The following TBC1D19 variants were observed in gnomAD, a reference collection of about 807,000 sequenced individuals.
TBC1D19 encodes the protein TBC1 domain family member 19, also known as TBC1 domain family, member 19.
A neutral mutation model predicts 89.0 loss-of-function variants in TBC1D19; 60 were observed. The observed-to-expected ratio is 0.67, with a 90% CI of 0.55 to 0.84. The LOEUF is 0.84. TBC1D19 is among the 40% of genes least tolerant of loss of function. The pLI is 0.00. For synonymous variants in TBC1D19, 189 were observed against 199.7 expected (o/e 0.95, Z 0.45); for missense variants, 500 against 610.8 (o/e 0.82, Z 1.91).
At chr4:26,783,757 G>C in the TBC1D19 span, among the ~76,000 whole-genome samples, 57 of 152,278 alleles carry the variant, frequency 3.7e-4, no homozygotes, top group Admixed American at 1.1e-3. Flanking sequence ...GGATGAATCA[G>C]TTGAGAAGAA....
At chr4:26,798,832 A>G in the TBC1D19 span, among the ~76,000 whole-genome samples, 3 of 152,152 alleles carry the variant, frequency 2.0e-5, no homozygotes, top group Non-Finnish European at 4.4e-5. Context: ...CAATGGATTC[A>G]TATAAACACA....
At chr4:26,642,707 T>G (rs532994636) in intron 7 of TBC1D19, among the ~76,000 whole-genome samples, 1 of 152,020 alleles carries the variant, frequency 6.6e-6, no homozygotes, top group African/African-American at 2.4e-5. Context: ...GAGACAAACA[T>G]AGGCTCAAAA....
At chr4:26,687,431 C>T (rs1713905780) in intron 12 of TBC1D19, among the ~76,000 whole-genome samples, 1 of 152,120 alleles carries the variant, frequency 6.6e-6, no homozygotes, top group South Asian at 2.1e-4. Flanking sequence ...ATGTTCTTTA[C>T]ACTGAAGCAC....
chr4:26,698,102 T>C (rs1184950704), intron 13 of TBC1D19, among the ~76,000 whole-genome samples: 1 of 152,178 alleles, frequency 6.6e-6, no homozygotes, highest in Non-Finnish European at 1.5e-5. Flanking sequence ...TGATTGTATA[T>C]TTAGAAAACC....
chr4:26,600,306 C>T (rs982932401), intron 1 of TBC1D19, among the ~76,000 whole-genome samples: 4 of 152,160 alleles, frequency 2.6e-5, no homozygotes, highest in Non-Finnish European at 5.9e-5. Flanking sequence ...ATTTTGGCTG[C>T]TGTTTGTCCT....
chr4:26,610,007 T>C (rs1020889286), intron 1 of TBC1D19, among the ~76,000 whole-genome samples: 1 of 152,028 alleles, frequency 6.6e-6, no homozygotes, highest in African/African-American at 2.4e-5. Flanking sequence ...AAATGCTAAG[T>C]AAGAAGAAAA....
chr4:26,587,100 T>C (rs915356179), intron 1 of TBC1D19, among the ~76,000 whole-genome samples: 1 of 152,206 alleles, frequency 6.6e-6, no homozygotes, highest in Non-Finnish European at 1.5e-5. Context: ...TCTGTAGATA[T>C]GTTCATATTA....
At chr4:26,696,585 C>G (rs1714804084) in intron 13 of TBC1D19, among the ~76,000 whole-genome samples, 1 of 152,182 alleles carries the variant, frequency 6.6e-6, no homozygotes, top group African/African-American at 2.4e-5. Flanking sequence ...ACACTTATTC[C>G]AAAATTGACC....
At chr4:26,676,330 C>T (rs946106797) in intron 11 of TBC1D19, among the ~76,000 whole-genome samples, 3 of 152,174 alleles carry the variant, frequency 2.0e-5, no homozygotes, top group African/African-American at 7.2e-5. Flanking sequence ...AAACAGAAGT[C>T]ATCATTAGAA....
intron 13 of TBC1D19, among the ~76,000 whole-genome samples, chr4:26,703,994 G>A (rs192347595): frequency 6.6e-6 from 1 of 151,470 alleles, no homozygotes; most frequent in East Asian, 1.9e-4. Context: ...GAAAATCTGG[G>A]CCTATGTTAC....
At chr4:26,660,315 T>G (rs1745143302) in intron 8 of TBC1D19, among the ~76,000 whole-genome samples, 1 of 152,164 alleles carries the variant, frequency 6.6e-6, no homozygotes, top group Admixed American at 6.6e-5. Context: ...AGGAAGCCAC[T>G]TATAACTCTG....
the TBC1D19 span, among the ~76,000 whole-genome samples, chr4:26,837,442 C>T: frequency 1.6e-4 from 24 of 152,116 alleles, no homozygotes; most frequent in Admixed American, 1.4e-3. Context: ...CAATTTTCCC[C>T]CTGTTTAACT....
chr4:26,731,615 G>A (rs752849419), intron 15 of TBC1D19, among the ~76,000 whole-genome samples: 7 of 152,128 alleles, frequency 4.6e-5, no homozygotes, highest in Admixed American at 2.6e-4. Flanking sequence ...CTGGTAGAGC[G>A]AAAGAGAAAA....
intron 7 of TBC1D19, among the ~76,000 whole-genome samples, chr4:26,640,911 G>A (rs1465664691): frequency 6.6e-6 from 1 of 152,236 alleles, no homozygotes; most frequent in Non-Finnish European, 1.5e-5. Flanking sequence ...CGAACTGGGT[G>A]GAGCCCACCA....
chr4:26,782,759 A>T, the TBC1D19 span, among the ~76,000 whole-genome samples: 2 of 152,122 alleles, frequency 1.3e-5, no homozygotes, highest in Non-Finnish European at 2.9e-5. Flanking sequence ...TAAAACAAAC[A>T]AAAGAGTGTG....
chr4:26,795,440 A>G, the TBC1D19 span, among the ~76,000 whole-genome samples: 3 of 152,134 alleles, frequency 2.0e-5, no homozygotes, highest in South Asian at 4.1e-4. Context: ...CTTACTGTCT[A>G]TCTGCCTTCA....
the TBC1D19 span, among the ~76,000 whole-genome samples, chr4:26,851,401 ACT>A: frequency 6.6e-6 from 1 of 151,550 alleles, no homozygotes; most frequent in East Asian, 1.9e-4. Context: ...TCTGTGGAGA[ACT>A]CTAATACACA....
chr4:26,652,536 C>T (rs561139978), intron 7 of TBC1D19, among the ~76,000 whole-genome samples: 9 of 152,240 alleles, frequency 5.9e-5, no homozygotes, highest in East Asian at 3.9e-4. Flanking sequence ...CCACCGCACC[C>T]GGCCAGAGCC....
At chr4:26,713,190 A>G (rs1408556295) in intron 13 of TBC1D19, among the ~76,000 whole-genome samples, 1 of 152,088 alleles carries the variant, frequency 6.6e-6, no homozygotes, top group Non-Finnish European at 1.5e-5. Context: ...ATTTGAGACC[A>G]TATTTGATAA....
Sources: gnomAD v4.1 joint callset for allele counts (sites outside exome capture counted in the v4.1 genomes callset) on GRCh38, gnomAD v4.1.1 for gene constraint, MANE v1.5 for transcripts, NCBI Gene and HGNC (gene_info 2026-07-23, HGNC 2026-07-21) for gene names.